The following SLC17A9 variants were observed in gnomAD, a reference collection of about 807,000 sequenced individuals.
The protein encoded by SLC17A9 is solute carrier family 17 member 9.
SLC17A9 carries 49 observed loss-of-function variants against 55.0 expected under a neutral mutation model. The observed-to-expected ratio is 0.89, with a 90% CI of 0.71 to 1.13. SLC17A9 has a LOEUF of 1.13. Among genes scored for constraint, SLC17A9 ranks in the 50% most tolerant of loss-of-function variants. The pLI, the probability that SLC17A9 is intolerant of heterozygous loss-of-function variation, is 0.00. For synonymous variants in SLC17A9, 256 were observed against 247.4 expected (o/e 1.03, Z -0.32); for missense variants, 526 against 569.3 (o/e 0.92, Z 0.77).
chr20:62,957,859 G>T (rs1275825593), intron 3 of SLC17A9, among the ~76,000 whole-genome samples: 4 of 118,306 alleles, frequency 3.4e-5, no homozygotes, highest in Admixed American at 9.0e-5. Context: ...GTGCGTGTGC[G>T]TGTGCAAGTG....
Position 62,957,514 on chromosome 20 carries a change from G to A in SLC17A9, c.331G>A (p.Ala111Thr), listed in dbSNP as rs765018139. 1.9e-6 allele frequency: 3 copies of A among 1,609,384 alleles called. No individual in the cohort carries two copies. The highest frequency in any genetic ancestry group is 2.5e-6 in the Non-Finnish European group (3 of 1,178,516). The part of the protein sequence containing the change: ...GSITAVTPLL[A>T]HLSSAHLAFM... ...CATCACGGCCGTCACCCCACTGCTC[G>A]CCCACCTGAGCAGTGCCCACCTGGC... The change falls in exon 3 of 13, where the codon GCC (alanine) becomes ACC (threonine). Residue 111 changes from alanine (A) to threonine (T), a missense_variant. Physicochemically the swap from Ala to Thr is moderately conservative, Grantham distance 58. Transcript: ENST00000370351.
Position 62,964,054 on chromosome 20 carries a change from G to C in SLC17A9, c.823-174G>C, listed in dbSNP as rs1018701734. 3.9e-5 allele frequency: 27 copies of C among 695,306 alleles called. No homozygotes were observed. In the African/African-American group the frequency reaches 4.1e-4, roughly 10 times the overall value. The allele number at this position is 695,306 out of a possible 1,614,324, so 43.1% of individuals were successfully genotyped here. On this transcript the variant is annotated intron_variant, in intron 7 of 12. Transcript: ENST00000370351. ...ACGGTTCCTTCTCTGAGGCTGTCTT[G>C]CTGCCCTGCCGGGTGGTGGTCAAGA...
In SLC17A9 at chr20:62,952,827, C is replaced by T. The variant is rs1346974778; in HGVS notation, c.-4C>T. On this transcript the variant is annotated 5_prime_UTR_variant, in exon 1 of 13. Transcript: ENST00000370351. ...GCCCACGCCGTCTGAGCACCCCAAGCCCGATGCAGCCACCCCCAGACGAGG... is the reference window on the plus strand; with the variant it reads ...GCCCACGCCGTCTGAGCACCCCAAGTCCGATGCAGCCACCCCCAGACGAGG... 7 of 1,534,400 alleles carry T rather than the reference C, an allele frequency of 4.6e-6. No homozygotes were observed. Among genetic ancestry groups the T allele is most frequent in the Non-Finnish European group, 4.4e-6 (5 of 1,145,050 alleles).
At chr20:62,953,650 T>C (rs984600632) in intron 1 of SLC17A9, among the ~76,000 whole-genome samples, 1 of 152,198 alleles carries the variant, frequency 6.6e-6, no homozygotes, top group African/African-American at 2.4e-5. Context: ...CAGAGCAGTC[T>C]CCTGCCTGCA....
In SLC17A9 at chr20:62,962,355, G is replaced by T. The variant is rs770766108; in HGVS notation, c.498-269G>T. 1.1e-4 allele frequency: 35 copies of T among 323,028 alleles called. 1 individual carries two copies. Among genetic ancestry groups the T allele is most frequent in the Non-Finnish European group, 5.8e-5 (10 of 171,912 alleles). The allele number at this position is 323,028 out of a possible 1,614,324, so 20.0% of individuals were successfully genotyped here. A position where few individuals can be genotyped will look rare whatever the true frequency, so the allele number is the denominator to read the frequency against. ...CTAGAAGCAAGATGTGAAAAACAAT[G>T]TGAGTTCCACAGCAGCCGCCCGACT... On this transcript the variant is annotated intron_variant, in intron 4 of 12. Transcript: ENST00000370351. The surrounding 1 kb of genome is among the most constrained non-coding windows in gnomAD (Gnocchi z 5.5).
At position 62,968,882 on chromosome 20, in the gene SLC17A9, A is replaced by C. The variant is rs2065661580; in HGVS notation, c.*1382A>C. 6.6e-6 allele frequency: 1 copy of C among 152,258 alleles called. No individual in the cohort carries two copies. The highest frequency in any genetic ancestry group is 1.9e-4 in the East Asian group (1 of 5,206). 9.4% of individuals were successfully genotyped at this position (152,258 alleles called of 1,614,324 possible). ...TTCCCAAGATGTGGGGCCCCCATGG[A>C]GTCAGACAGCCCAGCTGTGCTGTGG... On this transcript the variant is annotated 3_prime_UTR_variant, in exon 13 of 13. Coordinates refer to ENST00000370351, the MANE Select transcript of SLC17A9 (RefSeq NM_022082.4).
intron 4 of SLC17A9, among the ~76,000 whole-genome samples, chr20:62,961,628 T>C (rs546921622): frequency 6.6e-6 from 1 of 152,220 alleles, no homozygotes; most frequent in Admixed American, 6.5e-5. Context: ...GCGGCCCCTG[T>C]AGGTGGGGCC....
At chr20:62,953,037 G>A (rs1288355859) in intron 1 of SLC17A9, 148 bp downstream of exon 1, 36 of 1,190,964 alleles carry the variant, frequency 3.0e-5, no homozygotes, top group Non-Finnish European at 4.2e-5. Context: ...TGTGTTCCTT[G>A]TGGGAGGTGG....
At chr20:62,953,384 A>G in intron 1 of SLC17A9, 1 of 1,323,238 alleles carries the variant, frequency 7.6e-7, no homozygotes, top group Non-Finnish European at 1.0e-6. Context: ...CTCTCGGAGC[A>G]TTTGGTGGTG....
chr20:62,964,808 CGTT>C (rs2065620586), intron 8 of SLC17A9, among the ~76,000 whole-genome samples: 1 of 152,250 alleles, frequency 6.6e-6, no homozygotes, highest in Admixed American at 6.5e-5. Context: ...AATACACACT[CGTT>C]GTGGAAAAGC....
Position 62,952,726 on chromosome 20 carries a change from G to C in SLC17A9, c.-105G>C. 1.6e-6 allele frequency: 2 copies of C among 1,215,462 alleles called. No homozygotes were observed. The highest frequency in any genetic ancestry group is 2.2e-6 in the Non-Finnish European group (2 of 896,764). The allele number at this position is 1,215,462 out of a possible 1,614,324, so 75.3% of individuals were successfully genotyped here. A position where few individuals can be genotyped will look rare whatever the true frequency, so the allele number is the denominator to read the frequency against. Reference sequence around the variant, plus strand: ...AGAGAACCAGACGGAAGCGCGCTGGGACTGACACGTGGACTTGGGCGGTGC... The same window carrying C: ...AGAGAACCAGACGGAAGCGCGCTGGCACTGACACGTGGACTTGGGCGGTGC... On this transcript the variant is annotated 5_prime_UTR_variant, in exon 1 of 13. Coordinates refer to ENST00000370351, the MANE Select transcript of SLC17A9 (RefSeq NM_022082.4).
chr20:62,952,740 C>T lies in SLC17A9; in HGVS notation c.-91C>T. 1.5e-6 allele frequency: 2 copies of T among 1,341,672 alleles called. No homozygotes were observed. Among genetic ancestry groups the T allele is most frequent in the Non-Finnish European group, 2.0e-6 (2 of 1,000,460 alleles). The allele number at this position is 1,341,672 out of a possible 1,614,324, so 83.1% of individuals were successfully genotyped here. ...AAGCGCGCTGGGACTGACACGTGGA[C>T]TTGGGCGGTGCTGCCCGGGTGGGTC... On this transcript the variant is annotated 5_prime_UTR_variant, in exon 1 of 13. Transcript: ENST00000370351.
intron 12 of SLC17A9, 113 bp downstream of exon 12, chr20:62,966,845 G>A: frequency 7.3e-7 from 1 of 1,361,554 alleles, no homozygotes; most frequent in Non-Finnish European, 1.0e-6. Context: ...GGTGTCAGAG[G>A]AGGGCACAGA....
chr20:62,957,322 T>C (rs1370687998), intron 2 of SLC17A9, 119 bp from the exon 3 acceptor site: 9 of 1,493,662 alleles, frequency 6.0e-6, no homozygotes, highest in Non-Finnish European at 8.0e-6. Context: ...GAGCAGGCCC[T>C]GTAGAGGCAG....
At chr20:62,964,165 A>G (rs2065614184) in intron 7 of SLC17A9, 63 bp from the exon 8 acceptor site, 2 of 1,543,942 alleles carry the variant, frequency 1.3e-6, no homozygotes, top group East Asian at 4.5e-5. Context: ...CAGCCTGAGT[A>G]TCCTCTTCCA....
chr20:62,956,137 G>A lies in SLC17A9; in HGVS notation c.60-628G>A, dbSNP rs144138016. Among the ~76,000 whole-genome samples the A allele has an allele frequency of 1.5e-3, 225 of 152,354 alleles. 4 individuals carry two copies. Among genetic ancestry groups the A allele is most frequent in the Middle Eastern group, 0.014 (4 of 294 alleles). On this transcript the variant is annotated intron_variant, in intron 1 of 12. Coordinates refer to ENST00000370351, the MANE Select transcript of SLC17A9 (RefSeq NM_022082.4). Reference sequence around the variant, plus strand: ...GATCTCGCCCGGCCTCCCTCACCAGGATTGGGAGTGTGAGCTGGCCGGCCT... The same window carrying A: ...GATCTCGCCCGGCCTCCCTCACCAGAATTGGGAGTGTGAGCTGGCCGGCCT...
intron 3 of SLC17A9, among the ~76,000 whole-genome samples, chr20:62,957,980 T>G (rs1485636073): frequency 6.6e-6 from 1 of 152,062 alleles, no homozygotes; most frequent in East Asian, 1.9e-4. Context: ...ATGTTTGTGC[T>G]TGTGCGTGTG....
intron 1 of SLC17A9, among the ~76,000 whole-genome samples, chr20:62,954,283 G>A (rs902126154): frequency 5.3e-5 from 8 of 152,300 alleles, no homozygotes; most frequent in Admixed American, 3.9e-4. Flanking sequence ...TTCCTAGCCC[G>A]CCCTCCTGCA....
In SLC17A9 at chr20:62,963,714, C is replaced by T. The variant is rs907429995; in HGVS notation, c.822+34C>T. The T allele has an allele frequency of 6.5e-6, 10 of 1,546,926 alleles. No individual in the cohort carries two copies. The African/African-American group carries it at 1.1e-4, about 17-fold the overall frequency. On this transcript the variant is annotated intron_variant, in intron 7 of 12. Transcript: ENST00000370351. ...GGGGCTCCCGCAGGGTGAAGGAGCGCCCAGAAGGCACGAGGCTTGAGCTGC... is the reference window on the plus strand; with the variant it reads ...GGGGCTCCCGCAGGGTGAAGGAGCGTCCAGAAGGCACGAGGCTTGAGCTGC...
Sources: gnomAD v4.1 joint callset for allele counts (sites outside exome capture counted in the v4.1 genomes callset) on GRCh38, gnomAD v4.1.1 for gene constraint, Gnocchi (gnomAD v3.1) non-coding constraint, MANE v1.5 for transcripts, NCBI Gene and HGNC (gene_info 2026-07-23, HGNC 2026-07-21) for gene names.